Variants in CSGALNACT1 observed in about 807,000 individuals in gnomAD.
CSGALNACT1 encodes the protein beta4GalNAcT-1.
Under a neutral mutation model 51.0 loss-of-function variants are expected in CSGALNACT1, and 52 were observed. The ratio of observed to expected loss-of-function variants is 1.02; its 90% CI spans 0.82 to 1.29. CSGALNACT1 has a LOEUF of 1.29. Ranked by LOEUF, CSGALNACT1 falls within the 50% of genes most tolerant of loss-of-function variation. The pLI is 0.00. For synonymous variants in CSGALNACT1, 341 were observed against 254.4 expected, an observed-to-expected ratio of 1.34 and a Z score of -3.24; for missense variants, 935 against 679.2, an observed-to-expected ratio of 1.38 and a Z score of -4.19.
At chr8:19,541,338 C>A (rs892839619) in intron 3 of CSGALNACT1, among the ~76,000 whole-genome samples, 20 of 149,460 alleles carry the variant, frequency 1.3e-4, no homozygotes, top group Non-Finnish European at 3.0e-4. Context: ...GCAAGCTCTG[C>A]CTCCTGGGTT....
intron 4 of CSGALNACT1, among the ~76,000 whole-genome samples, chr8:19,501,412 C>A (rs2076396464): frequency 6.6e-6 from 1 of 152,174 alleles, no homozygotes; most frequent in South Asian, 2.1e-4. Flanking sequence ...TTGGCAACAT[C>A]TGAACTTTGG....
exon 1 of CSGALNACT1, chr8:19,602,236 G>C (rs899848179): frequency 5.7e-6 from 1 of 175,998 alleles, no homozygotes; most frequent in Non-Finnish European, 1.2e-5. Flanking sequence ...CTCTGACAGC[G>C]CTGAAGTCAC....
chr8:19,515,904 G>A (rs556740671), intron 3 of CSGALNACT1, among the ~76,000 whole-genome samples: 23 of 152,190 alleles, frequency 1.5e-4, no homozygotes, highest in African/African-American at 5.3e-4. Context: ...TGCAATGAGG[G>A]CAGGACACTG....
intron 3 of CSGALNACT1, among the ~76,000 whole-genome samples, chr8:19,530,219 TG>T (rs1401384144): frequency 7.3e-6 from 1 of 136,396 alleles, no homozygotes; most frequent in African/African-American, 2.9e-5. Flanking sequence ...AGACTCTGGC[TG>T]AAAAAACAAA....
intron 4 of CSGALNACT1, among the ~76,000 whole-genome samples, chr8:19,502,306 G>A (rs192411253): frequency 1.1e-3 from 160 of 152,314 alleles, no homozygotes; most frequent in African/African-American, 3.7e-3. Flanking sequence ...GGGCTGGGAA[G>A]GGCGACAGAG....
chr8:19,734,257 C>T (rs2063844691), intron 1 of CSGALNACT1, among the ~76,000 whole-genome samples: 2 of 152,198 alleles, frequency 1.3e-5, no homozygotes, highest in Admixed American at 1.3e-4. Context: ...AAATCTGCTT[C>T]AATACTTTGA....
chr8:19,427,257 T>C (rs1270509716), intron 6 of CSGALNACT1, among the ~76,000 whole-genome samples: 1 of 152,224 alleles, frequency 6.6e-6, no homozygotes, highest in Non-Finnish European at 1.5e-5. Flanking sequence ...TCTCTGAATC[T>C]CAGAATGGTC....
At chr8:19,739,777 G>C (rs1382287070) in intron 1 of CSGALNACT1, among the ~76,000 whole-genome samples, 2 of 152,134 alleles carry the variant, frequency 1.3e-5, no homozygotes, top group Non-Finnish European at 2.9e-5. Flanking sequence ...TAGAAGACTT[G>C]TTCCTAATAA....
At chr8:19,689,552 C>T (rs139616268) in intron 1 of CSGALNACT1, among the ~76,000 whole-genome samples, 3 of 152,288 alleles carry the variant, frequency 2.0e-5, no homozygotes, top group Admixed American at 6.5e-5. Context: ...CTGATACACA[C>T]GACTATAAAA....
chr8:19,613,920 G>C (rs2052641563), intron 1 of CSGALNACT1, among the ~76,000 whole-genome samples: 1 of 152,154 alleles, frequency 6.6e-6, no homozygotes, highest in South Asian at 2.1e-4. Flanking sequence ...TCCTGAGTTA[G>C]GGAAGTCCCA....
At chr8:19,635,052 A>ATC (rs2055843757) in intron 1 of CSGALNACT1, among the ~76,000 whole-genome samples, 1 of 152,244 alleles carries the variant, frequency 6.6e-6, no homozygotes, top group Admixed American at 6.5e-5. Flanking sequence ...AAGTACAGCA[A>ATC]ATTTCTAAAT....
In CSGALNACT1 at chr8:19,757,079, T is replaced by G. The variant is rs1303163351; in HGVS notation, c.-297+771A>C. 4 of 149,868 alleles carry G rather than the reference T, an allele frequency of 2.7e-5. No homozygotes were observed. In the South Asian group the frequency reaches 6.2e-4, roughly 23 times the overall value. The allele number at this position is 149,868 out of a possible 1,614,324, so 9.3% of individuals were successfully genotyped here. A position where few individuals can be genotyped will look rare whatever the true frequency, so the allele number is the denominator to read the frequency against. Reference sequence around the variant, plus strand: ...CACGAGCCACCCCGAGGTCGCGGGGTGGGCGGGCGCGAGCTAGGCGCGCGG... The same window carrying G: ...CACGAGCCACCCCGAGGTCGCGGGGGGGGCGGGCGCGAGCTAGGCGCGCGG... On this transcript the variant is annotated intron_variant, in intron 1 of 1. Coordinates refer to the CSGALNACT1 transcript ENST00000517494. The surrounding 1 kb of genome is among the most constrained non-coding windows in gnomAD (Gnocchi z 4.0).
chr8:19,444,742 C>T (rs1256979572), intron 5 of CSGALNACT1, among the ~76,000 whole-genome samples: 1 of 152,166 alleles, frequency 6.6e-6, no homozygotes, highest in Non-Finnish European at 1.5e-5. Flanking sequence ...GGTTCTTGCC[C>T]TCATAACACT....
intron 1 of CSGALNACT1, among the ~76,000 whole-genome samples, chr8:19,756,913 C>T (rs755653466): frequency 1.3e-5 from 2 of 151,760 alleles, no homozygotes; most frequent in African/African-American, 2.4e-5. Flanking sequence ...TCCCTGGAAG[C>T]TCCCTCCGCG....
intron 1 of CSGALNACT1, among the ~76,000 whole-genome samples, chr8:19,680,785 G>C (rs1401778290): frequency 6.6e-6 from 1 of 151,852 alleles, no homozygotes; most frequent in Admixed American, 6.6e-5. Flanking sequence ...AAACCTACAC[G>C]GTATTAGGTT....
At chr8:19,569,875 T>G (rs188219611) in intron 3 of CSGALNACT1, among the ~76,000 whole-genome samples, 1 of 152,158 alleles carries the variant, frequency 6.6e-6, no homozygotes, top group African/African-American at 2.4e-5. Context: ...AGCAACCAAA[T>G]AGAACAAACT....
chr8:19,621,835 G>C (rs1056841020), intron 1 of CSGALNACT1, among the ~76,000 whole-genome samples: 1 of 152,206 alleles, frequency 6.6e-6, no homozygotes, highest in Non-Finnish European at 1.5e-5. Flanking sequence ...TCAATGGCAA[G>C]AGTGATTCCT....
chr8:19,548,109 C>T (rs1366708556), intron 3 of CSGALNACT1, among the ~76,000 whole-genome samples: 1 of 152,188 alleles, frequency 6.6e-6, no homozygotes, highest in African/African-American at 2.4e-5. Context: ...AATGTTTCAA[C>T]TAAATATTGA....
In CSGALNACT1 at chr8:19,757,142, G is replaced by A. The variant is rs1276885373; in HGVS notation, c.-297+708C>T. 1 of 149,736 alleles carries A rather than the reference G, an allele frequency of 6.7e-6. No individual in the cohort carries two copies. Among genetic ancestry groups the A allele is most frequent in the Non-Finnish European group, 1.5e-5 (1 of 67,028 alleles). The allele number at this position is 149,736 out of a possible 1,614,324, so 9.3% of individuals were successfully genotyped here. A position where few individuals can be genotyped will look rare whatever the true frequency, so the allele number is the denominator to read the frequency against. On this transcript the variant is annotated intron_variant, in intron 1 of 1. Transcript: ENST00000517494. The surrounding 1 kb of genome is among the most constrained non-coding windows in gnomAD (Gnocchi z 4.0). ...CTGCCGGCGCCACTGACGCCCCCGC[G>A]CGGCACACCGCGCCCGGCTGGCCCG...
Sources: gnomAD v4.1 joint callset for allele counts (sites outside exome capture counted in the v4.1 genomes callset) on GRCh38, gnomAD v4.1.1 for gene constraint, Gnocchi (gnomAD v3.1) non-coding constraint, MANE v1.5 for transcripts, NCBI Gene and HGNC (gene_info 2026-07-23, HGNC 2026-07-21) for gene names.